SLC9C2: variants seen among roughly 807,000 people sequenced by gnomAD.
SLC9C2 encodes the protein sodium/hydrogen exchanger 11.
In SLC9C2, 75 loss-of-function variants were observed where a neutral mutation model predicts 140.2. The ratio of observed to expected loss-of-function variants is 0.53; its 90% CI spans 0.44 to 0.65. The LOEUF (loss-of-function observed/expected upper bound fraction) is 0.65, where lower values mean the gene tolerates loss of function less well. Ranked by LOEUF, SLC9C2 falls within the 30% of genes least tolerant of loss-of-function variation. The pLI is 0.00. For synonymous variants in SLC9C2, 375 were observed against 420.9 expected (o/e 0.89, Z 1.34); for missense variants, 1,074 against 1,331.8 (o/e 0.81, Z 3.01).
At chr1:173,572,067 T>A (rs528881449) in intron 9 of SLC9C2, among the ~76,000 whole-genome samples, 5 of 152,312 alleles carry the variant, frequency 3.3e-5, no homozygotes, top group Admixed American at 6.5e-5. Flanking sequence ...AGTCTACAGA[T>A]AAGTAATTGA....
rs1661909261 is a variant in SLC9C2, at chr1:173,535,827, TACTC to T, written c.1774_1775+2del. The T allele has an allele frequency of 6.7e-7, 1 of 1,503,650 alleles. No individual in the cohort carries two copies. The highest frequency in any genetic ancestry group is 9.0e-7 in the Non-Finnish European group (1 of 1,114,990). 93.1% of individuals were successfully genotyped at this position (1,503,650 alleles called of 1,614,324 possible). A position where few individuals can be genotyped will look rare whatever the true frequency, so the allele number is the denominator to read the frequency against. Reference sequence around the variant, plus strand: ...GTTTCTATTAAAGGTTCACAATACTTACTCAGGTGGAATAAAATGTATCTTTTCT... The same window carrying T: ...GTTTCTATTAAAGGTTCACAATACTTAGGTGGAATAAAATGTATCTTTTCT... On this transcript the variant is annotated splice_donor_variant and coding_sequence_variant, in exon 15 of 28. Transcript: ENST00000367714. LOFTEE classifies it high-confidence loss of function.
intron 7 of SLC9C2, 90 bp downstream of exon 7, chr1:173,581,757 G>T: frequency 9.0e-7 from 1 of 1,110,740 alleles, no homozygotes; most frequent in Non-Finnish European, 1.2e-6. Context: ...CAAAAAGGAG[G>T]AGAAGCAACT....
intron 2 of SLC9C2, 51 bp downstream of exon 2, chr1:173,601,599 C>CAAA: frequency 6.3e-7 from 1 of 1,587,476 alleles, no homozygotes; most frequent in Non-Finnish European, 8.6e-7. Flanking sequence ...TCTGCATTGA[C>CAAA]AAAAGGTTCA....
At chr1:173,554,632 C>T (rs1663546376) in intron 11 of SLC9C2, 101 bp downstream of exon 11, 5 of 727,854 alleles carry the variant, frequency 6.9e-6, no homozygotes, top group South Asian at 3.7e-5. Context: ...AATTTCTAAA[C>T]CAATTCCTTG....
intron 22 of SLC9C2, among the ~76,000 whole-genome samples, chr1:173,520,896 A>G (rs1296124153): frequency 1.3e-5 from 2 of 152,100 alleles, no homozygotes; most frequent in African/African-American, 4.8e-5. Flanking sequence ...CCATCACTCT[A>G]CTGAAATCTC....
At chr1:173,602,080 G>A (rs1384636500) in intron 1 of SLC9C2, among the ~76,000 whole-genome samples, 1 of 152,158 alleles carries the variant, frequency 6.6e-6, no homozygotes, top group Non-Finnish European at 1.5e-5. Context: ...GGGAGAGGGG[G>A]TGCATTGATA....
At chr1:173,576,856 A>G in intron 7 of SLC9C2, 96 bp from the exon 8 acceptor site, 1 of 801,644 alleles carries the variant, frequency 1.2e-6, no homozygotes, top group Non-Finnish European at 1.9e-6. Context: ...TGGGAATCTT[A>G]AGAGAAGTAG....
chr1:173,598,834 T>C (rs1158574507), intron 3 of SLC9C2, among the ~76,000 whole-genome samples: 3 of 152,222 alleles, frequency 2.0e-5, no homozygotes, highest in Non-Finnish European at 4.4e-5. Flanking sequence ...GTAGTAGTGA[T>C]GGTATTTCAG....
intron 13 of SLC9C2, among the ~76,000 whole-genome samples, chr1:173,541,893 C>T (rs773108270): frequency 5.3e-5 from 8 of 152,074 alleles, no homozygotes; most frequent in Non-Finnish European, 1.0e-4. Context: ...ACTAAATGCC[C>T]ACAAGAGAAA....
chr1:173,589,095 CG>C (rs1262963429), intron 4 of SLC9C2, among the ~76,000 whole-genome samples: 1 of 151,868 alleles, frequency 6.6e-6, no homozygotes, highest in Non-Finnish European at 1.5e-5. Context: ...AAAATAAGTG[CG>C]GGAGGATTTC....
intron 9 of SLC9C2, among the ~76,000 whole-genome samples, chr1:173,570,326 G>A (rs1296380787): frequency 2.0e-5 from 3 of 152,122 alleles, no homozygotes; most frequent in Non-Finnish European, 4.4e-5. Flanking sequence ...CTGACCCAGG[G>A]TGTGTCTAGA....
chr1:173,503,411 T>C, intron 26 of SLC9C2, 85 bp from the exon 27 acceptor site: 2 of 1,255,878 alleles, frequency 1.6e-6, no homozygotes, highest in Non-Finnish European at 2.3e-6. Flanking sequence ...AAATATCTAT[T>C]TGCTTTCTCC....
At chr1:173,570,615 C>T (rs1339120006) in intron 9 of SLC9C2, among the ~76,000 whole-genome samples, 2 of 152,136 alleles carry the variant, frequency 1.3e-5, no homozygotes, top group African/African-American at 4.8e-5. Context: ...AGCATCAGGA[C>T]TTGCCTAAGA....
rs564120430 is a variant in SLC9C2, at chr1:173,564,968, C to CTT, written c.1047-7462_1047-7461dup. ...TTTTCTTTTTTCTTTTTTTCTTTTT[C>CTT]TTTTTTTTTTTTTTTTTGAGACAAA... On this transcript the variant is annotated intron_variant, in intron 9 of 27. Coordinates refer to ENST00000367714, the MANE Select transcript of SLC9C2 (RefSeq NM_178527.4). Among the ~76,000 whole-genome samples the CTT allele has an allele frequency of 2.1e-3, 239 of 113,610 alleles. 3 individuals are homozygous for CTT. The highest frequency in any genetic ancestry group is 4.5e-3 in the East Asian group (17 of 3,772). 74.5% of individuals were successfully genotyped at this position (113,610 alleles called of 152,430 possible). A position where few individuals can be genotyped will look rare whatever the true frequency, so the allele number is the denominator to read the frequency against.
rs1263212697 is a variant in SLC9C2, at chr1:173,580,075, T to C, written c.802+1772A>G. On this transcript the variant is annotated intron_variant, in intron 7 of 27. Coordinates refer to ENST00000367714, the MANE Select transcript of SLC9C2 (RefSeq NM_178527.4). The stretch of plus-strand genomic sequence containing the variant: ...CTCTTTTCTGCAATTATACAGGCAG[T>C]AAGGGAAAAAAGCTTTTTAAAACCC... Among the ~76,000 whole-genome samples the C allele has an allele frequency of 3.3e-5, 5 of 152,198 alleles. No homozygotes were observed. The East Asian group carries it at 7.7e-4, about 23-fold the overall frequency.
intron 18 of SLC9C2, among the ~76,000 whole-genome samples, chr1:173,529,481 G>A (rs144999015): frequency 1.1e-4 from 17 of 151,788 alleles, no homozygotes; most frequent in African/African-American, 4.1e-4. Context: ...CCACCCCACA[G>A]TACCAGGATT....
chr1:173,572,975 C>T (rs1664931767), intron 9 of SLC9C2, among the ~76,000 whole-genome samples: 2 of 152,112 alleles, frequency 1.3e-5, no homozygotes, highest in African/African-American at 2.4e-5. Flanking sequence ...TGGGTGACGC[C>T]GATCCCTCTC....
chr1:173,592,497 T>G (rs532011072), intron 4 of SLC9C2, among the ~76,000 whole-genome samples: 2 of 152,366 alleles, frequency 1.3e-5, no homozygotes, highest in East Asian at 3.9e-4. Context: ...GAGCATGGAA[T>G]GTTTTTCCAT....
At chr1:173,533,154 G>A (rs1324609738) in intron 17 of SLC9C2, among the ~76,000 whole-genome samples, 1 of 151,894 alleles carries the variant, frequency 6.6e-6, no homozygotes, top group Admixed American at 6.6e-5. Context: ...CTATTGAGAG[G>A]GTGTTCCAGA....
Sources: allele counts gnomAD v4.1 joint callset (sites outside exome capture counted in the v4.1 genomes callset), GRCh38; gene constraint gnomAD v4.1.1; transcripts MANE v1.5; gene names NCBI Gene and HGNC (gene_info 2026-07-23, HGNC 2026-07-21).